Variants in TTC9C observed in about 807,000 individuals in gnomAD.
TTC9C encodes tetratricopeptide repeat protein 9C.
TTC9C carries 15 observed loss-of-function variants against 22.5 expected under a neutral mutation model. The observed-to-expected ratio is 0.67, with a 90% CI of 0.45 to 1.03. TTC9C has a LOEUF of 1.03. Ranked by LOEUF, TTC9C falls within the 50% of genes least tolerant of loss-of-function variation. The probability of loss-of-function intolerance (pLI) is 0.00; values close to 1 mark genes in which losing one functional copy is unlikely to be tolerated. For missense variants in TTC9C, 244 were observed against 214.6 expected (o/e 1.14, Z -0.86); for synonymous variants, 92 against 86.8 (o/e 1.06, Z -0.33).
intron 1 of TTC9C, among the ~76,000 whole-genome samples, chr11:62,729,827 C>A (rs1008936880): frequency 6.6e-6 from 1 of 152,130 alleles, no homozygotes; most frequent in African/African-American, 2.4e-5. Context: ...CCACGCGCCT[C>A]TACCTTCCAA....
chr11:62,728,548 G>A lies in TTC9C; in HGVS notation c.-301G>A, dbSNP rs1016756105. 2.3e-5 allele frequency: 12 copies of A among 522,102 alleles called. No homozygotes were observed. Among genetic ancestry groups the A allele is most frequent in the African/African-American group, 1.5e-4 (8 of 52,518 alleles). The allele number at this position is 522,102 out of a possible 1,614,324, so 32.3% of individuals were successfully genotyped here. A position where few individuals can be genotyped will look rare whatever the true frequency, so the allele number is the denominator to read the frequency against. ...AGTAGGGCCTTGCTTGAGTTCTTCG[G>A]AAAGTCTCATCCACCCCCACATCGC... is the stretch of plus-strand genomic sequence containing the variant. On this transcript the variant is annotated 5_prime_UTR_variant, in exon 1 of 3. Coordinates refer to ENST00000316461, the MANE Select transcript of TTC9C (RefSeq NM_173810.4).
intron 1 of TTC9C, among the ~76,000 whole-genome samples, chr11:62,735,055 C>T (rs940366244): frequency 1.3e-5 from 2 of 152,092 alleles, no homozygotes; most frequent in African/African-American, 4.8e-5. Context: ...CGCCACCACA[C>T]CTGGCTAATT....
Position 62,735,420 on chromosome 11 carries a change from G to C in TTC9C, c.277G>C (p.Val93Leu). ...LQMEPVNYER[V>L]REYSQKVLER... is the part of the protein sequence containing the mutation. ...GATGGAGCCCGTGAACTACGAACGA[G>C]TGAGAGAATATAGTCAGAAAGTCCT... is the stretch of plus-strand genomic sequence containing the variant. Residue 93 changes from valine to leucine, a missense_variant, in exon 2 of 3, where the codon GTG becomes CTG. By Grantham distance (32) the Val-to-Leu change is conservative (BLOSUM62 1). Transcript: ENST00000316461. The C allele has an allele frequency of 1.9e-6, 3 of 1,614,174 alleles. No individual in the cohort carries two copies. Among genetic ancestry groups the C allele is most frequent in the Non-Finnish European group, 2.5e-6 (3 of 1,180,024 alleles).
In TTC9C at chr11:62,728,890, A is replaced by G; in HGVS notation, c.42A>G (p.Glu14=). The G allele has an allele frequency of 6.2e-7, 1 of 1,614,168 alleles. No individual in the cohort carries two copies. Among genetic ancestry groups the G allele is most frequent in the East Asian group, 2.2e-5 (1 of 44,880 alleles). The change falls in exon 1 of 3, where the codon GAA becomes GAG. Residue 14 remains glutamate, a synonymous_variant. Coordinates refer to ENST00000316461, the MANE Select transcript of TTC9C (RefSeq NM_173810.4). ...AGGAGGCTCAGCTGTACAAGGAGGA[A>G]GGGAACCAGCGCTACCGGGAAGGGA... is the stretch of plus-strand genomic sequence containing the variant. ...RLQEAQLYKE[E]GNQRYREGKY... is the part of the protein sequence containing the mutation.
chr11:62,733,713 G>A (rs1185443149), intron 1 of TTC9C, among the ~76,000 whole-genome samples: 1 of 151,924 alleles, frequency 6.6e-6, no homozygotes, highest in Non-Finnish European at 1.5e-5. Context: ...AATTAATGGG[G>A]CCGGGCACAG....
intron 1 of TTC9C, among the ~76,000 whole-genome samples, chr11:62,731,234 C>T (rs1299050821): frequency 7.3e-6 from 1 of 136,624 alleles, no homozygotes; most frequent in Non-Finnish European, 1.6e-5. Flanking sequence ...ACATTTCCAC[C>T]TTCACACTTT....
chr11:62,728,921 C>T lies in TTC9C; in HGVS notation c.73C>T (p.Arg25Ter). The T allele has an allele frequency of 6.2e-7, 1 of 1,614,156 alleles. No individual in the cohort carries two copies. The highest frequency in any genetic ancestry group is 1.1e-5 in the South Asian group (1 of 91,076). Residue 25 changes from arginine to a stop codon, truncating the protein, a stop_gained, in exon 1 of 3, where the codon CGA (arginine) becomes TGA (stop). Transcript: ENST00000316461. LOFTEE classifies it high-confidence loss of function. Reference sequence around the variant, plus strand: ...CCAGCGCTACCGGGAAGGGAAGTACCGAGATGCTGTGAGTAGGTACCATCG... The same window carrying T: ...CCAGCGCTACCGGGAAGGGAAGTACTGAGATGCTGTGAGTAGGTACCATCG... Reference protein sequence around the residue: ...GNQRYREGKYRDAVSRYHRAL... With the variant: ...GNQRYREGKY
At chr11:62,730,036 C>T (rs932507151) in intron 1 of TTC9C, among the ~76,000 whole-genome samples, 1 of 152,134 alleles carries the variant, frequency 6.6e-6, no homozygotes, top group Non-Finnish European at 1.5e-5. Context: ...GTTTAGATCC[C>T]TTATATTCAG....
At position 62,728,534 on chromosome 11, in the gene TTC9C, G is replaced by C. The variant is rs759027902; in HGVS notation, c.-315G>C. ...CGCAACAATTCCTGAGTAGGGCCTT[G>C]CTTGAGTTCTTCGGAAAGTCTCATC... On this transcript the variant is annotated 5_prime_UTR_variant, in exon 1 of 3. Coordinates refer to ENST00000316461, the MANE Select transcript of TTC9C (RefSeq NM_173810.4). 7.9e-6 allele frequency: 4 copies of C among 506,220 alleles called. No homozygotes were observed. 31.4% of individuals were successfully genotyped at this position (506,220 alleles called of 1,614,324 possible).
intron 1 of TTC9C, among the ~76,000 whole-genome samples, chr11:62,731,751 G>A (rs1230332556): frequency 2.7e-5 from 4 of 150,244 alleles, no homozygotes; most frequent in Non-Finnish European, 4.4e-5. Context: ...GTGCAGTGGC[G>A]TGATCTCACC....
Position 62,735,429 on chromosome 11 carries a change from T to C in TTC9C, c.286T>C (p.Tyr96His). 1 of 1,614,148 alleles carries C rather than the reference T, an allele frequency of 6.2e-7. No homozygotes were observed. The highest frequency in any genetic ancestry group is 8.5e-7 in the Non-Finnish European group (1 of 1,180,024). ...EPVNYERVRE[Y>H]SQKVLERQPD... The stretch of plus-strand genomic sequence containing the variant: ...CGTGAACTACGAACGAGTGAGAGAA[T>C]ATAGTCAGAAAGTCCTGGAACGACA... The change falls in exon 2 of 3, where the codon TAT becomes CAT. Residue 96 changes from tyrosine to histidine, a missense_variant. Coordinates refer to ENST00000316461, the MANE Select transcript of TTC9C (RefSeq NM_173810.4).
At chr11:62,733,996 AAAT>A (rs879858271) in intron 1 of TTC9C, among the ~76,000 whole-genome samples, 16 of 151,526 alleles carry the variant, frequency 1.1e-4, no homozygotes, top group East Asian at 7.8e-4. Flanking sequence ...CCATCTCAAA[AAAT>A]AATAATAATA....
In TTC9C at chr11:62,732,047, C is replaced by T. The variant is rs567141256; in HGVS notation, c.238+2961C>T. On this transcript the variant is annotated intron_variant, in intron 1 of 2. Transcript: ENST00000316461. ...AGTCTCACTCTGTCGCCCAGGCTGG[C>T]GTCAGTGGCGCAATTCTGGCTCACT... 7.5e-5 allele frequency among the ~76,000 whole-genome samples: 10 copies of T among 134,082 alleles called. No homozygotes were observed. The East Asian group carries it at 1.3e-3, about 18-fold the overall frequency. 88.0% of individuals were successfully genotyped at this position (134,082 alleles called of 152,430 possible).
At chr11:62,736,241 AAACAG>A (rs972069133) in intron 2 of TTC9C, 2 of 150,412 alleles carry the variant, frequency 1.3e-5, no homozygotes, top group Non-Finnish European at 3.0e-5. Context: ...AAAAAAAAAA[AAACAG>A]TGTTGTTTTT....
At chr11:62,729,392 ATTTTATTTTATTTTATTTTT>A (rs1470596385) in intron 1 of TTC9C, among the ~76,000 whole-genome samples, 5 of 136,752 alleles carry the variant, frequency 3.7e-5, no homozygotes. Flanking sequence ...ATTTTATTTT[ATTTTATTTTATTTTATTTTT>A]TTTTGAGATG....
intron 2 of TTC9C, among the ~76,000 whole-genome samples, chr11:62,738,051 A>AAAAT (rs544159851): frequency 0.028 from 4,185 of 151,700 alleles, 100 homozygotes; most frequent in Middle Eastern, 0.071. Flanking sequence ...GTAAATAAAT[A>AAAAT]AAATAAATAA....
intron 1 of TTC9C, among the ~76,000 whole-genome samples, chr11:62,729,491 C>G (rs899776615): frequency 6.6e-6 from 1 of 151,596 alleles, no homozygotes; most frequent in South Asian, 2.1e-4. Context: ...CTCCCCGTCC[C>G]GGGTTCAAGC....
At chr11:62,730,711 T>G (rs2083838620) in intron 1 of TTC9C, among the ~76,000 whole-genome samples, 1 of 152,056 alleles carries the variant, frequency 6.6e-6, no homozygotes, top group African/African-American at 2.4e-5. Context: ...GTAGCTGGGA[T>G]TAGAGGCATG....
At chr11:62,735,617 G>C in intron 2 of TTC9C, 53 bp downstream of exon 2, 1 of 1,537,138 alleles carries the variant, frequency 6.5e-7, no homozygotes, top group South Asian at 1.2e-5. Flanking sequence ...TGCTGGGGTG[G>C]ATCTGTGGAA....
Sources: gnomAD v4.1 joint callset for allele counts (sites outside exome capture counted in the v4.1 genomes callset) on GRCh38, gnomAD v4.1.1 for gene constraint, MANE v1.5 for transcripts, NCBI Gene and HGNC (gene_info 2026-07-23, HGNC 2026-07-21) for gene names.